Variants in LDLRAD3 observed in about 807,000 individuals in gnomAD.
LDLRAD3 encodes the protein low-density lipoprotein receptor class A domain-containing protein 3.
A neutral mutation model predicts 29.4 loss-of-function variants in LDLRAD3; 20 were observed. The ratio of observed to expected loss-of-function variants is 0.68; its 90% CI spans 0.48 to 0.99. The LOEUF (loss-of-function observed/expected upper bound fraction) is 0.99, where lower values mean the gene tolerates loss of function less well. Among genes scored for constraint, LDLRAD3 ranks in the 50% least tolerant of loss-of-function variants. The probability of loss-of-function intolerance (pLI) is 0.00; values close to 1 mark genes in which losing one functional copy is unlikely to be tolerated. For missense variants in LDLRAD3, 420 were observed against 454.3 expected, an observed-to-expected ratio of 0.92 and a Z score of 0.69; for synonymous variants, 157 against 192.7, an observed-to-expected ratio of 0.81 and a Z score of 1.53.
chr11:35,966,369 G>T (rs1467543676), intron 1 of LDLRAD3, among the ~76,000 whole-genome samples: 1 of 152,180 alleles, frequency 6.6e-6, no homozygotes, highest in Non-Finnish European at 1.5e-5. Flanking sequence ...AGGTTGCAGT[G>T]AGCTGAGATC....
At chr11:36,148,107 T>A (rs1854224818) in intron 4 of LDLRAD3, among the ~76,000 whole-genome samples, 2 of 152,120 alleles carry the variant, frequency 1.3e-5, no homozygotes, top group African/African-American at 4.8e-5. Flanking sequence ...CTGACCTCAG[T>A]GATCTGCCCA....
chr11:36,033,513 C>T (rs1852265417), intron 1 of LDLRAD3, among the ~76,000 whole-genome samples: 1 of 152,226 alleles, frequency 6.6e-6, no homozygotes, highest in African/African-American at 2.4e-5. Flanking sequence ...CAAGATTTCA[C>T]AGTTGCAGTG....
At chr11:36,043,836 C>T (rs1852413197) in intron 2 of LDLRAD3, among the ~76,000 whole-genome samples, 1 of 152,212 alleles carries the variant, frequency 6.6e-6, no homozygotes, top group African/African-American at 2.4e-5. Flanking sequence ...ATAACTGGCA[C>T]TCTGAAGGGT....
At chr11:35,953,053 A>G (rs1851156976) in intron 1 of LDLRAD3, among the ~76,000 whole-genome samples, 1 of 152,232 alleles carries the variant, frequency 6.6e-6, no homozygotes, top group African/African-American at 2.4e-5. Flanking sequence ...CAGGCAGAGC[A>G]GAGTGAACCC....
intron 4 of LDLRAD3, among the ~76,000 whole-genome samples, chr11:36,151,782 C>T (rs573747761): frequency 7.2e-5 from 11 of 152,170 alleles, no homozygotes; most frequent in Non-Finnish European, 1.3e-4. Flanking sequence ...GCAGGCTAGA[C>T]TTTACAATCA....
chr11:36,038,971 CT>C (rs67593168), intron 2 of LDLRAD3, among the ~76,000 whole-genome samples: 3,261 of 102,364 alleles, frequency 0.032, 75 homozygotes, highest in East Asian at 0.12. Flanking sequence ...AAATTTCTTT[CT>C]TTTTTTTTTT....
chr11:36,154,769 G>C (rs976125574), intron 4 of LDLRAD3, among the ~76,000 whole-genome samples: 1 of 152,138 alleles, frequency 6.6e-6, no homozygotes, highest in Admixed American at 6.5e-5. Flanking sequence ...ATGTCAGAGG[G>C]ACATCCATGT....
intron 4 of LDLRAD3, among the ~76,000 whole-genome samples, chr11:36,098,791 C>A (rs777013353): frequency 2.0e-5 from 3 of 152,172 alleles, no homozygotes; most frequent in Admixed American, 1.3e-4. Context: ...TGGGGCAATC[C>A]AGGTTGTTTC....
intron 2 of LDLRAD3, among the ~76,000 whole-genome samples, chr11:36,064,890 T>C (rs1852766382): frequency 6.6e-6 from 1 of 152,252 alleles, no homozygotes; most frequent in Admixed American, 6.5e-5. Flanking sequence ...ACATATGTTA[T>C]ATGATTGCAT....
At chr11:36,110,092 C>G (rs979374690) in intron 4 of LDLRAD3, 1 of 152,204 alleles carries the variant, frequency 6.6e-6, no homozygotes, top group Non-Finnish European at 1.5e-5. Context: ...CCTTTGTGTA[C>G]AGGTGGGGTT....
At chr11:36,206,996 G>A (rs1855219909) in intron 4 of LDLRAD3, among the ~76,000 whole-genome samples, 1 of 152,108 alleles carries the variant, frequency 6.6e-6, no homozygotes, top group Non-Finnish European at 1.5e-5. Flanking sequence ...AAAGTGCTGG[G>A]ATTACAGGCA....
rs769548134 is a variant in LDLRAD3, at chr11:36,036,288, C to T, written c.193+39C>T. On this transcript the variant is annotated intron_variant, in intron 2 of 5. Transcript: ENST00000315571. ...CCCTTTGCTGGGGTGGGGTGGCAGC[C>T]ATCCTGGGGCAGAGGGGAGCAGGTC... is the stretch of plus-strand genomic sequence containing the variant. 8 of 1,612,540 alleles carry T rather than the reference C, an allele frequency of 5.0e-6. No individual in the cohort carries two copies. The South Asian group carries it at 7.7e-5, about 16-fold the overall frequency.
intron 1 of LDLRAD3, among the ~76,000 whole-genome samples, chr11:35,983,348 A>G (rs962506067): frequency 2.6e-5 from 4 of 152,254 alleles, no homozygotes; most frequent in African/African-American, 9.6e-5. Flanking sequence ...TAATGTGGCT[A>G]CTAGAAACAT....
At chr11:36,017,590 G>A (rs1227369570) in intron 1 of LDLRAD3, among the ~76,000 whole-genome samples, 9 of 149,834 alleles carry the variant, frequency 6.0e-5, no homozygotes, top group African/African-American at 1.5e-4. Context: ...GTGCATTGGC[G>A]TGATCTTGGC....
intron 1 of LDLRAD3, among the ~76,000 whole-genome samples, chr11:36,014,118 C>CG (rs1217210025): frequency 1.4e-4 from 21 of 152,312 alleles, no homozygotes; most frequent in Admixed American, 3.9e-4. Context: ...GTTCCTTCCA[C>CG]GCCTCCCTGT....
chr11:36,108,144 G>A (rs1050254746), intron 4 of LDLRAD3, among the ~76,000 whole-genome samples: 4 of 151,534 alleles, frequency 2.6e-5, no homozygotes, highest in African/African-American at 7.3e-5. Flanking sequence ...GTGAAACCCC[G>A]TCTCTACTAA....
chr11:36,073,068 G>T (rs2133248042), intron 2 of LDLRAD3, among the ~76,000 whole-genome samples: 1 of 152,346 alleles, frequency 6.6e-6, no homozygotes, highest in South Asian at 2.1e-4. Context: ...TAGGGTATTA[G>T]TAAGTAGAGC....
At chr11:36,147,091 A>G (rs1218536186) in intron 4 of LDLRAD3, among the ~76,000 whole-genome samples, 2 of 94,248 alleles carry the variant, frequency 2.1e-5, no homozygotes, top group African/African-American at 4.1e-5. Context: ...ACTGGCCCCC[A>G]TATTTACTTT....
intron 1 of LDLRAD3, among the ~76,000 whole-genome samples, chr11:36,025,881 G>C (rs1270470630): frequency 6.7e-6 from 1 of 148,628 alleles, no homozygotes; most frequent in Non-Finnish European, 1.5e-5. Context: ...CCAGGTTCTA[G>C]CGATTCTCCT....
Sources: gnomAD v4.1 joint callset for allele counts (sites outside exome capture counted in the v4.1 genomes callset) on GRCh38, gnomAD v4.1.1 for gene constraint, MANE v1.5 for transcripts, NCBI Gene and HGNC (gene_info 2026-07-23, HGNC 2026-07-21) for gene names.